Variants in ZPBP observed in about 807,000 individuals in gnomAD.
The protein encoded by ZPBP is zona pellucida-binding protein 1.
Under a neutral mutation model 44.8 loss-of-function variants are expected in ZPBP, and 26 were observed. The ratio of observed to expected loss-of-function variants is 0.58; its 90% confidence interval spans 0.43 to 0.81. ZPBP has a LOEUF of 0.81. ZPBP is among the 30% of genes least tolerant of loss of function. The pLI is 0.00. For synonymous variants in ZPBP, 174 were observed against 153.2 expected, an observed-to-expected ratio of 1.14 and a Z score of -1.00; for missense variants, 409 against 434.0, an observed-to-expected ratio of 0.94 and a Z score of 0.51.
chr7:50,025,254 C>T (rs1799272082), intron 5 of ZPBP, among the ~76,000 whole-genome samples: 1 of 151,874 alleles, frequency 6.6e-6, no homozygotes, highest in African/African-American at 2.4e-5. Context: ...CTCAAAATAT[C>T]AGTAAAATAT....
rs949231752 is a variant in ZPBP, at chr7:50,070,294, T to C, written c.334+11480A>G. Among the ~76,000 whole-genome samples, 95 of 152,192 alleles carry C rather than the reference T, an allele frequency of 6.2e-4. 2 individuals are homozygous for C. Among genetic ancestry groups the C allele is most frequent in the Non-Finnish European group, 2.2e-4 (15 of 68,016 alleles). On this transcript the variant is annotated intron_variant, in intron 3 of 7. Transcript: ENST00000046087. ...CACTCTGGGTTGGATTAGTGGTTGGTACCCTGGAGGTGATCAAACTCCCCT... is the reference window on the plus strand; with the variant it reads ...CACTCTGGGTTGGATTAGTGGTTGGCACCCTGGAGGTGATCAAACTCCCCT...
At chr7:49,947,680 T>C (rs777629648) in intron 7 of ZPBP, among the ~76,000 whole-genome samples, 2 of 152,098 alleles carry the variant, frequency 1.3e-5, no homozygotes, top group Non-Finnish European at 2.9e-5. Flanking sequence ...TAGCATTGGG[T>C]TTCACCCAAG....
intron 2 of ZPBP, among the ~76,000 whole-genome samples, chr7:49,876,749 C>CA (rs1273790467): frequency 6.6e-6 from 1 of 152,026 alleles, no homozygotes; most frequent in Non-Finnish European, 1.5e-5. Context: ...CCTGTCAACA[C>CA]AGTTTTATTT....
intron 2 of ZPBP, among the ~76,000 whole-genome samples, chr7:49,886,492 A>G (rs769174705): frequency 7.9e-5 from 12 of 152,182 alleles, no homozygotes; most frequent in Non-Finnish European, 1.5e-5. Flanking sequence ...TTTCCATTTT[A>G]AGATTTAAAA....
In ZPBP at chr7:50,086,025, CAA is replaced by C. The variant is rs770839638; in HGVS notation, c.208+3602_208+3603del. On this transcript the variant is annotated intron_variant, in intron 2 of 7. Transcript: ENST00000046087. ...TCTGAAAGGTACGTCACAACGTGCA[CAA>C]AGACACCCTCAGCAAAGACTAGGAG... 5.3e-5 allele frequency among the ~76,000 whole-genome samples: 8 copies of C among 152,076 alleles called. No individual in the cohort carries two copies. In the East Asian group the frequency reaches 1.2e-3, roughly 22 times the overall value.
intron 2 of ZPBP, among the ~76,000 whole-genome samples, chr7:49,892,890 C>T (rs376663505): frequency 3.3e-5 from 5 of 152,330 alleles, no homozygotes; most frequent in South Asian, 4.1e-4. Flanking sequence ...CTGCCCCTTT[C>T]GCTGAGGTTC....
intron 6 of ZPBP, among the ~76,000 whole-genome samples, chr7:49,989,521 C>T (rs1001536937): frequency 6.6e-6 from 1 of 152,126 alleles, no homozygotes; most frequent in Non-Finnish European, 1.5e-5. Context: ...AAGTATAAGA[C>T]TAAAGTCTAT....
intron 4 of ZPBP, among the ~76,000 whole-genome samples, chr7:50,053,866 T>C (rs889256465): frequency 2.6e-5 from 4 of 152,108 alleles, no homozygotes; most frequent in African/African-American, 9.7e-5. Flanking sequence ...CTAGAAAATA[T>C]AGGAAACAAT....
At chr7:50,024,600 A>C (rs1799241553) in intron 5 of ZPBP, among the ~76,000 whole-genome samples, 1 of 151,976 alleles carries the variant, frequency 6.6e-6, no homozygotes, top group Non-Finnish European at 1.5e-5. Flanking sequence ...GAATGATCTC[A>C]CTTTAAGAAA....
intron 1 of ZPBP, chr7:49,912,004 T>TA: frequency 6.2e-7 from 1 of 1,601,204 alleles, no homozygotes; most frequent in Non-Finnish European, 8.5e-7. Context: ...TATGCACACA[T>TA]ATAGTATAAA....
At chr7:50,046,533 C>T (rs932142659) in intron 4 of ZPBP, among the ~76,000 whole-genome samples, 3 of 151,778 alleles carry the variant, frequency 2.0e-5, no homozygotes, top group Admixed American at 6.6e-5. Context: ...GGACAACAAA[C>T]ATATGAAAAA....
At chr7:49,910,252 G>C (rs1047262034) in intron 1 of ZPBP, among the ~76,000 whole-genome samples, 1 of 152,202 alleles carries the variant, frequency 6.6e-6, no homozygotes, top group Non-Finnish European at 1.5e-5. Flanking sequence ...CACCACCACA[G>C]AACATAAGCT....
At chr7:49,892,339 C>G (rs1792179138) in intron 2 of ZPBP, among the ~76,000 whole-genome samples, 4 of 151,998 alleles carry the variant, frequency 2.6e-5, no homozygotes. Context: ...AGCCACCGCG[C>G]CCGGCCAGAC....
In ZPBP at chr7:49,983,382, T is replaced by A. The variant is rs746103836; in HGVS notation, c.921A>T (p.Gly307=). Residue 307 remains glycine, a synonymous_variant, in exon 7 of 8, where the codon GGA becomes GGT. Transcript: ENST00000046087. ...VWINRCFPGY[G]MNVQQHPKCP... ...ATTTTGGATGTTGCTGGACATTCAT[T>A]CCATATCCTGGAAAGCAGCGATTAA... is the stretch of plus-strand genomic sequence containing the variant. 4.8e-5 allele frequency: 78 copies of A among 1,613,444 alleles called. No individual in the cohort carries two copies. Among genetic ancestry groups the A allele is most frequent in the Non-Finnish European group, 6.4e-5 (76 of 1,179,670 alleles).
At chr7:50,043,887 A>G (rs1800213701) in intron 4 of ZPBP, among the ~76,000 whole-genome samples, 1 of 152,192 alleles carries the variant, frequency 6.6e-6, no homozygotes, top group African/African-American at 2.4e-5. Flanking sequence ...CATCAGACTT[A>G]TTCTAAAATT....
At position 50,014,487 on chromosome 7, in the gene ZPBP, G is replaced by A. The variant is rs1164308766; in HGVS notation, c.783+3753C>T. Among the ~76,000 whole-genome samples the A allele has an allele frequency of 8.9e-4, 115 of 129,476 alleles. 1 individual carries two copies. The Admixed American group carries it at 9.1e-3, about 10-fold the overall frequency. The allele number at this position is 129,476 out of a possible 152,430, so 84.9% of individuals were successfully genotyped here. ...TTTCTTTTTTTTTTTTTTTTGAGAC[G>A]AAGTTTCACTCTTGTTGCCCAGACT... On this transcript the variant is annotated intron_variant, in intron 6 of 7. Transcript: ENST00000046087.
At chr7:50,092,390 A>G (rs1034795459) in intron 1 of ZPBP, among the ~76,000 whole-genome samples, 4 of 151,838 alleles carry the variant, frequency 2.6e-5, no homozygotes, top group Non-Finnish European at 5.9e-5. Context: ...TTCTTGGAGG[A>G]CTTCTTTTTT....
chr7:49,990,739 C>T (rs1308810299), intron 6 of ZPBP, among the ~76,000 whole-genome samples: 1 of 152,064 alleles, frequency 6.6e-6, no homozygotes, highest in South Asian at 2.1e-4. Context: ...AAATGAACAG[C>T]TTATTTTAAT....
intron 1 of ZPBP, among the ~76,000 whole-genome samples, chr7:50,091,990 TC>T (rs751719529): frequency 1.9e-4 from 29 of 152,294 alleles, no homozygotes; most frequent in Admixed American, 3.3e-4. Flanking sequence ...AATAATTCCA[TC>T]CTTACAGTTA....
Sources: allele counts gnomAD v4.1 joint callset (sites outside exome capture counted in the v4.1 genomes callset), GRCh38; gene constraint gnomAD v4.1.1; transcripts MANE v1.5; gene names NCBI Gene and HGNC (gene_info 2026-07-23, HGNC 2026-07-21).